USP3: variants seen among roughly 807,000 people sequenced by gnomAD.
USP3 encodes the protein ubiquitin specific peptidase 3.
Under a neutral mutation model 72.3 loss-of-function variants are expected in USP3, and 20 were observed. The ratio of observed to expected loss-of-function variants is 0.28; its 90% CI spans 0.19 to 0.40. The LOEUF (loss-of-function observed/expected upper bound fraction) is 0.40. Ranked by LOEUF, USP3 falls within the 10% of genes least tolerant of loss-of-function variation. The probability of loss-of-function intolerance (pLI) is 1.00; values close to 1 mark genes in which losing one functional copy is unlikely to be tolerated. For synonymous variants in USP3, 222 were observed against 225.3 expected, an observed-to-expected ratio of 0.99 and a Z score of 0.13; for missense variants, 479 against 633.9, an observed-to-expected ratio of 0.76 and a Z score of 2.62.
At position 63,591,470 on chromosome 15, in the gene USP3, ACT is replaced by A. The variant is rs1204119417; in HGVS notation, c.*649_*650del. On this transcript the variant is annotated 3_prime_UTR_variant, in exon 15 of 15. Transcript: ENST00000380324. ...TACTTGTCCTGCAAATACAAGAATT[ACT>A]CTCTTTGTTGGTTTTTTTGGTTTTG... 1 of 151,824 alleles carries A rather than the reference ACT, an allele frequency of 6.6e-6. No homozygotes were observed. Among genetic ancestry groups the A allele is most frequent in the African/African-American group, 2.4e-5 (1 of 41,272 alleles). The allele number at this position is 151,824 out of a possible 1,614,324, so 9.4% of individuals were successfully genotyped here. A position where few individuals can be genotyped will look rare whatever the true frequency, so the allele number is the denominator to read the frequency against.
chr15:63,585,671 T>C (rs1309535944), intron 11 of USP3, among the ~76,000 whole-genome samples: 1 of 152,178 alleles, frequency 6.6e-6, no homozygotes, highest in African/African-American at 2.4e-5. Context: ...GTGCCTTTGG[T>C]GTTGCATCTA....
intron 11 of USP3, among the ~76,000 whole-genome samples, chr15:63,579,293 C>T (rs1321401395): frequency 6.6e-6 from 1 of 152,120 alleles, no homozygotes; most frequent in Admixed American, 6.5e-5. Flanking sequence ...TCAAAAATTC[C>T]TCTGTACGCA....
At chr15:63,558,683 T>C (rs1202210106) in intron 6 of USP3, among the ~76,000 whole-genome samples, 1 of 152,040 alleles carries the variant, frequency 6.6e-6, no homozygotes, top group Non-Finnish European at 1.5e-5. Flanking sequence ...GAGACCAGCC[T>C]GGCCAACATA....
At chr15:63,519,369 T>C (rs891964910) in intron 1 of USP3, among the ~76,000 whole-genome samples, 27 of 152,016 alleles carry the variant, frequency 1.8e-4, no homozygotes, top group Non-Finnish European at 3.2e-4. Flanking sequence ...TAATGTCTTG[T>C]TATTTTTGAA....
At position 63,529,193 on chromosome 15, in the gene USP3, T is replaced by C. The variant is rs1206984150; in HGVS notation, c.92-3454T>C. 7.5e-6 allele frequency: 4 copies of C among 535,810 alleles called. No individual in the cohort carries two copies. Among genetic ancestry groups the C allele is most frequent in the African/African-American group, 2.0e-5 (1 of 49,914 alleles). The allele number at this position is 535,810 out of a possible 1,614,324, so 33.2% of individuals were successfully genotyped here. A position where few individuals can be genotyped will look rare whatever the true frequency, so the allele number is the denominator to read the frequency against. On this transcript the variant is annotated intron_variant, in intron 1 of 14. Coordinates refer to ENST00000380324, the MANE Select transcript of USP3 (RefSeq NM_006537.4). This position sits in a 1 kb window ranked among gnomAD's most constrained non-coding sequence, Gnocchi z 4.2. ...TAGTAAAGTGGTTTTTTTTTTTTTC[T>C]TTTTTTTGAGATATATTAAAAGGCA...
intron 1 of USP3, among the ~76,000 whole-genome samples, chr15:63,515,002 A>G (rs1192023654): frequency 2.0e-5 from 3 of 152,238 alleles, no homozygotes; most frequent in Non-Finnish European, 2.9e-5. Flanking sequence ...TCATAGGGAA[A>G]GTTATTTTTG....
At chr15:63,537,338 C>T (rs2152661772) in intron 3 of USP3, among the ~76,000 whole-genome samples, 182 bp downstream of exon 3, 1 of 152,298 alleles carries the variant, frequency 6.6e-6, no homozygotes, top group Non-Finnish European at 1.5e-5. Flanking sequence ...TTTTACTTTG[C>T]ATTGTTCCTT....
chr15:63,586,803 A>G (rs1329422517), intron 11 of USP3: 2 of 152,238 alleles, frequency 1.3e-5, no homozygotes, highest in Non-Finnish European at 2.9e-5. Context: ...AGAATGGTTA[A>G]CTGTCCACTG....
At chr15:63,577,301 T>C (rs1407563623) in intron 11 of USP3, among the ~76,000 whole-genome samples, 1 of 152,170 alleles carries the variant, frequency 6.6e-6, no homozygotes, top group Non-Finnish European at 1.5e-5. Context: ...ATACTAGAAA[T>C]ATAATTAGGT....
At chr15:63,572,145 GAA>G (rs138982466) in intron 9 of USP3, among the ~76,000 whole-genome samples, 2,339 of 152,208 alleles carry the variant, frequency 0.015, 62 homozygotes, top group African/African-American at 0.054. Flanking sequence ...TATAATAAAT[GAA>G]ACTCATTTTT....
chr15:63,536,853 CAA>C (rs60601646), intron 2 of USP3, among the ~76,000 whole-genome samples, 170 bp from the exon 3 acceptor site: 1 of 119,170 alleles, frequency 8.4e-6, no homozygotes, highest in Admixed American at 8.5e-5. Context: ...GACTCCGTCT[CAA>C]AAAAAAAAAA....
intron 1 of USP3, among the ~76,000 whole-genome samples, chr15:63,520,179 TTG>T: frequency 2.6e-5 from 4 of 152,328 alleles, no homozygotes; most frequent in Non-Finnish European, 5.9e-5. Context: ...CTGTGTGTAT[TTG>T]TGTGTTTATC....
intron 3 of USP3, among the ~76,000 whole-genome samples, chr15:63,549,742 G>A (rs999111235): frequency 6.6e-6 from 1 of 152,140 alleles, no homozygotes; most frequent in Non-Finnish European, 1.5e-5. Flanking sequence ...TATGCATTGT[G>A]ATATAGGGGT....
At chr15:63,532,413 A>C (rs925639636) in intron 1 of USP3, 3 of 584,776 alleles carry the variant, frequency 5.1e-6, no homozygotes, top group Admixed American at 2.9e-5. Flanking sequence ...TGGTTAAGCT[A>C]TTTGGGTTGA....
At chr15:63,558,238 C>A (rs775918166) in intron 6 of USP3, 50 bp downstream of exon 6, 6 of 1,593,456 alleles carry the variant, frequency 3.8e-6, no homozygotes, top group Middle Eastern at 1.7e-4. Context: ...GTTAAGAGCA[C>A]GGGCTCTGGC....
At chr15:63,578,547 G>A (rs1197354982) in intron 11 of USP3, among the ~76,000 whole-genome samples, 3 of 150,546 alleles carry the variant, frequency 2.0e-5, no homozygotes, top group African/African-American at 4.9e-5. Flanking sequence ...GGGAGGCAGA[G>A]CTTGCAGTGA....
intron 3 of USP3, among the ~76,000 whole-genome samples, chr15:63,547,310 A>T (rs1479723027): frequency 6.6e-6 from 1 of 152,218 alleles, no homozygotes; most frequent in Non-Finnish European, 1.5e-5. Context: ...TACATTCTTG[A>T]AATAAATGTC....
intron 11 of USP3, among the ~76,000 whole-genome samples, chr15:63,580,981 G>A (rs575200456): frequency 3.0e-4 from 45 of 151,900 alleles, no homozygotes; most frequent in African/African-American, 1.1e-3. Flanking sequence ...GCTAATTTTT[G>A]TACTTAATAG....
intron 11 of USP3, among the ~76,000 whole-genome samples, chr15:63,580,660 A>ATATAT (rs60776150): frequency 0.25 from 28,261 of 112,288 alleles, 4,477 homozygotes; most frequent in Middle Eastern, 0.36. Flanking sequence ...ATGAATATAT[A>ATATAT]ATATATATAT....
Sources: gnomAD v4.1 joint callset for allele counts (sites outside exome capture counted in the v4.1 genomes callset) on GRCh38, gnomAD v4.1.1 for gene constraint, Gnocchi (gnomAD v3.1) non-coding constraint, MANE v1.5 for transcripts, NCBI Gene and HGNC (gene_info 2026-07-23, HGNC 2026-07-21) for gene names.